The following DIP2C variants were observed in gnomAD, a reference collection of about 807,000 sequenced individuals.
DIP2C encodes the protein disco-interacting protein 2 homolog C.
A neutral mutation model predicts 192.4 loss-of-function variants in DIP2C; 33 were observed. The ratio of observed to expected loss-of-function variants is 0.17; its 90% CI spans 0.13 to 0.23. The LOEUF is 0.23. Ranked by LOEUF, DIP2C falls within the 10% of genes least tolerant of loss-of-function variation. The pLI is 1.00. For synonymous variants in DIP2C, 979 were observed against 864.1 expected (o/e 1.13, Z -2.33); for missense variants, 1,537 against 2,110.1 (o/e 0.73, Z 5.32).
At chr10:364,821 G>C in intron 19 of DIP2C, 1 of 625,000 alleles carries the variant, frequency 1.6e-6, no homozygotes, top group Non-Finnish European at 2.9e-6. Context: ...TCACCTGCTG[G>C]AGCCTCCTGC....
chr10:639,235 G>A (rs1410300674), intron 1 of DIP2C, among the ~76,000 whole-genome samples: 3 of 145,282 alleles, frequency 2.1e-5, no homozygotes, highest in Non-Finnish European at 4.5e-5. Context: ...TCCACACATG[G>A]GGACGCGTCA....
intron 1 of DIP2C, among the ~76,000 whole-genome samples, chr10:565,266 G>A (rs191673365): frequency 1.3e-5 from 2 of 149,250 alleles, no homozygotes; most frequent in African/African-American, 5.0e-5. Flanking sequence ...CAGCATTTAA[G>A]AACCTTAAGA....
intron 3 of DIP2C, among the ~76,000 whole-genome samples, chr10:447,551 G>T (rs574079456): frequency 5.0e-4 from 69 of 138,696 alleles, no homozygotes; most frequent in Non-Finnish European, 9.3e-4. Flanking sequence ...ATGCAGTGGG[G>T]CAGCAGGACC....
At chr10:337,049 G>GGTGTGT (rs148004134) in intron 29 of DIP2C, among the ~76,000 whole-genome samples, 15,726 of 37,674 alleles carry the variant, frequency 0.42, 5,027 homozygotes, top group Middle Eastern at 0.5. Flanking sequence ...GGCCTAGACT[G>GGTGTGT]GTGTGTGTGT....
intron 1 of DIP2C, among the ~76,000 whole-genome samples, chr10:646,079 C>T (rs1855436040): frequency 6.6e-6 from 1 of 152,208 alleles, no homozygotes; most frequent in South Asian, 2.1e-4. Flanking sequence ...AGCAGGGGCA[C>T]GTTCCCAGGT....
At chr10:356,625 C>A (rs997971979) in intron 23 of DIP2C, 119 bp from the exon 24 acceptor site, 20 of 740,584 alleles carry the variant, frequency 2.7e-5, no homozygotes, top group Non-Finnish European at 4.2e-5. Flanking sequence ...GTCTTAAAAC[C>A]GCATGCTTCT....
intron 1 of DIP2C, among the ~76,000 whole-genome samples, chr10:554,778 CCTT>C (rs1371086542): frequency 1.3e-5 from 2 of 152,190 alleles, no homozygotes; most frequent in Non-Finnish European, 1.5e-5. Flanking sequence ...GGGAGTGAGT[CCTT>C]CATCAAAAGG....
In DIP2C at chr10:283,458, G is replaced by C; in HGVS notation, c.4120-12C>G. ...CTGTGAACCCAAATCTGCAAACGGA[G>C]GGAAATGTCACTGTGGATGACATTA... On this transcript the variant is annotated splice_polypyrimidine_tract_variant and intron_variant, in intron 34 of 36. Transcript: ENST00000280886. The C allele has an allele frequency of 1.2e-6, 2 of 1,613,458 alleles. No individual in the cohort carries two copies. The highest frequency in any genetic ancestry group is 1.7e-6 in the Non-Finnish European group (2 of 1,179,536).
At chr10:519,458 T>C (rs1469879938) in intron 1 of DIP2C, among the ~76,000 whole-genome samples, 3 of 152,178 alleles carry the variant, frequency 2.0e-5, no homozygotes, top group Non-Finnish European at 2.9e-5. Flanking sequence ...CCGCGTGGTA[T>C]TGGATATGGC....
At position 648,554 on chromosome 10, in the gene DIP2C, G is replaced by A. The variant is rs373354464; in HGVS notation, c.85+40940C>T. Among the ~76,000 whole-genome samples, 360 of 151,132 alleles carry A rather than the reference G, an allele frequency of 2.4e-3. 1 individual carries two copies. The highest frequency in any genetic ancestry group is 6.5e-3 in the African/African-American group (267 of 41,046). On this transcript the variant is annotated intron_variant, in intron 1 of 36. Coordinates refer to ENST00000280886, the MANE Select transcript of DIP2C (RefSeq NM_014974.3). Reference sequence around the variant, plus strand: ...GAGAACAGAGGGAAACTGAGTCCACGTCCACATTTGAGGGTGGGCAAGAAC... The same window carrying A: ...GAGAACAGAGGGAAACTGAGTCCACATCCACATTTGAGGGTGGGCAAGAAC...
At chr10:379,725 A>G (rs1368297858) in intron 17 of DIP2C, among the ~76,000 whole-genome samples, 1 of 152,266 alleles carries the variant, frequency 6.6e-6, no homozygotes, top group Non-Finnish European at 1.5e-5. Context: ...TCTACTGCAG[A>G]TAATCGTTAT....
At chr10:480,046 A>C (rs1280392557) in intron 2 of DIP2C, among the ~76,000 whole-genome samples, 3 of 134,398 alleles carry the variant, frequency 2.2e-5, no homozygotes, top group African/African-American at 8.8e-5. Context: ...GCAGCCTGAG[A>C]CCCGGTTCAC....
At chr10:640,930 C>T (rs1855159181) in intron 1 of DIP2C, among the ~76,000 whole-genome samples, 1 of 152,086 alleles carries the variant, frequency 6.6e-6, no homozygotes, top group Non-Finnish European at 1.5e-5. Context: ...CCTAACCCAA[C>T]GTGCTCATCG....
At chr10:378,525 G>A (rs922054198) in intron 17 of DIP2C, among the ~76,000 whole-genome samples, 3 of 148,524 alleles carry the variant, frequency 2.0e-5, no homozygotes, top group African/African-American at 7.4e-5. Flanking sequence ...GAACACACAT[G>A]CACAAAGACA....
At chr10:591,695 C>G (rs1036653230) in intron 1 of DIP2C, among the ~76,000 whole-genome samples, 30 of 152,256 alleles carry the variant, frequency 2.0e-4, no homozygotes, top group African/African-American at 6.5e-4. Context: ...ACGAAGCCAC[C>G]AGCTAGGGAC....
intron 1 of DIP2C, among the ~76,000 whole-genome samples, chr10:573,204 C>A (rs1024155170): frequency 6.6e-6 from 1 of 152,144 alleles, no homozygotes; most frequent in Non-Finnish European, 1.5e-5. Flanking sequence ...AAGGGAAAAT[C>A]ATGCCAAGTT....
At chr10:286,228 A>T (rs1405042549) in intron 34 of DIP2C, 45 bp downstream of exon 34, 1 of 1,586,508 alleles carries the variant, frequency 6.3e-7, no homozygotes, top group African/African-American at 1.3e-5. Context: ...AGCCAAGGAT[A>T]CATAACAGAA....
chr10:624,102 G>A (rs1854047223), intron 1 of DIP2C, among the ~76,000 whole-genome samples: 1 of 152,220 alleles, frequency 6.6e-6, no homozygotes, highest in African/African-American at 2.4e-5. Context: ...CTCGGGAACT[G>A]CCCAGCCCAA....
At chr10:323,264 CCGGCGTTGTTAGAA>C (rs1957093118) in intron 31 of DIP2C, among the ~76,000 whole-genome samples, 1 of 63,020 alleles carries the variant, frequency 1.6e-5, no homozygotes, top group Admixed American at 1.3e-4. Flanking sequence ...CGGCGAGAGA[CCGGCGTTGTTAGAA>C]CAGTCAGTCG....
Sources: gnomAD v4.1 joint callset for allele counts (sites outside exome capture counted in the v4.1 genomes callset) on GRCh38, gnomAD v4.1.1 for gene constraint, MANE v1.5 for transcripts, NCBI Gene and HGNC (gene_info 2026-07-23, HGNC 2026-07-21) for gene names.